Variants in TBC1D5 observed in about 807,000 individuals in gnomAD.
TBC1D5 encodes TBC1 domain family member 5.
In TBC1D5, 75 loss-of-function variants were observed where a neutral mutation model predicts 100.3. The ratio of observed to expected loss-of-function variants is 0.75; its 90% CI spans 0.62 to 0.91. The LOEUF (loss-of-function observed/expected upper bound fraction) is 0.91. TBC1D5 is among the 40% of genes least tolerant of loss of function. TBC1D5 has a pLI of 0.00. For missense variants in TBC1D5, 910 were observed against 942.4 expected (o/e 0.97, Z 0.45); for synonymous variants, 323 against 325.6 (o/e 0.99, Z 0.09).
intron 19 of TBC1D5, among the ~76,000 whole-genome samples, chr3:17,178,915 G>A (rs191414370): frequency 1.3e-5 from 2 of 152,232 alleles, no homozygotes; most frequent in Admixed American, 6.5e-5. Context: ...AAAGTGCCAG[G>A]ATTATAGGCA....
chr3:17,163,578 A>C (rs1452747746), intron 21 of TBC1D5, among the ~76,000 whole-genome samples: 1 of 152,208 alleles, frequency 6.6e-6, no homozygotes, highest in African/African-American at 2.4e-5. Context: ...AGCCATGATC[A>C]TCACAACACA....
At chr3:17,561,878 G>A (rs1207728988) in intron 2 of TBC1D5, 1 of 152,020 alleles carries the variant, frequency 6.6e-6, no homozygotes, top group Non-Finnish European at 1.5e-5. Context: ...AAAATGCAAG[G>A]GCAGTTAAAG....
rs2096137295 is a variant in TBC1D5 at position 17,526,489 on chromosome 3, C to A, written c.-35-17884G>T. The stretch of plus-strand genomic sequence containing the variant: ...CCCAACATGAGCCACAACGCTTGGC[C>A]CAGAATCTACTACTATTGACACTGG... On this transcript the variant is annotated intron_variant, in intron 2 of 21. Coordinates refer to ENST00000253692, the Ensembl canonical transcript of TBC1D5. Among the ~76,000 whole-genome samples, 4 of 152,084 alleles carry A rather than the reference C, an allele frequency of 2.6e-5. No homozygotes were observed. The South Asian group carries it at 8.3e-4, about 32-fold the overall frequency.
At chr3:17,345,003 G>T (rs532576987) in intron 13 of TBC1D5, among the ~76,000 whole-genome samples, 5 of 152,246 alleles carry the variant, frequency 3.3e-5, no homozygotes, top group East Asian at 3.9e-4. Flanking sequence ...CAGGACATAG[G>T]CATGGGCAAG....
chr3:17,160,717 C>A, exon 22 of TBC1D5: 1 of 500,834 alleles, frequency 2.0e-6, no homozygotes, highest in Non-Finnish European at 3.5e-6. Context: ...TAACTCAGAG[C>A]AAGAGTCGGG....
At position 17,648,572 on chromosome 3, in the gene TBC1D5, C is replaced by T. The variant is rs113030732; in HGVS notation, c.-100-24659G>A. 5.3e-3 allele frequency among the ~76,000 whole-genome samples: 814 copies of T among 152,262 alleles called. 12 individuals are homozygous for T. Among genetic ancestry groups the T allele is most frequent in the African/African-American group, 0.019 (782 of 41,548 alleles). ...CAGAATGGAAGAAAATTTTTGCAAA[C>T]TATGCATCTGACAAAGGTCTACCAT... On this transcript the variant is annotated intron_variant, in intron 1 of 21. Coordinates refer to ENST00000253692, the Ensembl canonical transcript of TBC1D5.
intron 3 of TBC1D5, among the ~76,000 whole-genome samples, chr3:17,471,029 T>C (rs2095366811): frequency 1.3e-5 from 2 of 152,128 alleles, no homozygotes; most frequent in South Asian, 4.1e-4. Context: ...CACTAAAAAA[T>C]AGATGTCATT....
intron 16 of TBC1D5, among the ~76,000 whole-genome samples, chr3:17,253,564 TA>T (rs970606406): frequency 6.6e-6 from 1 of 152,210 alleles, no homozygotes; most frequent in African/African-American, 2.4e-5. Context: ...TACACCTGTA[TA>T]ACCACCATCC....
rs2095346829 is a variant in TBC1D5, at chr3:17,469,390, T to A, written c.97+39084A>T. 2.0e-5 allele frequency among the ~76,000 whole-genome samples: 3 copies of A among 152,150 alleles called. No homozygotes were observed. In the South Asian group the frequency reaches 6.2e-4, roughly 32 times the overall value. On this transcript the variant is annotated intron_variant, in intron 3 of 21. Coordinates refer to ENST00000253692, the Ensembl canonical transcript of TBC1D5. The stretch of plus-strand genomic sequence containing the variant: ...TGTAAAAACAGAGATTTCCCAAAGA[T>A]TCTTACTCTGTTTCTAGCAACGAAT...
intron 1 of TBC1D5, among the ~76,000 whole-genome samples, chr3:17,657,084 A>T (rs1215776044): frequency 6.6e-6 from 1 of 152,018 alleles, no homozygotes; most frequent in Non-Finnish European, 1.5e-5. Context: ...CCGAATTTGA[A>T]CCTTGTCTGC....
intron 3 of TBC1D5, among the ~76,000 whole-genome samples, chr3:17,458,679 T>C (rs976914255): frequency 6.6e-6 from 1 of 152,178 alleles, no homozygotes; most frequent in Non-Finnish European, 1.5e-5. Flanking sequence ...GGGTCTGAAA[T>C]TTCAGCACTC....
chr3:17,283,289 C>T (rs549737363), intron 15 of TBC1D5, among the ~76,000 whole-genome samples: 36 of 152,246 alleles, frequency 2.4e-4, no homozygotes, highest in African/African-American at 5.3e-4. Context: ...GTCCAATAAA[C>T]GCAGCAGGGT....
At chr3:17,187,469 C>T (rs1360722032) in intron 18 of TBC1D5, among the ~76,000 whole-genome samples, 3 of 152,062 alleles carry the variant, frequency 2.0e-5, no homozygotes, top group Non-Finnish European at 4.4e-5. Context: ...ACTTTTCAGC[C>T]CAAGCCAGCT....
At chr3:17,351,046 A>T (rs2090512703) in intron 13 of TBC1D5, among the ~76,000 whole-genome samples, 1 of 152,316 alleles carries the variant, frequency 6.6e-6, no homozygotes. Context: ...TGCTATAATT[A>T]GGAAGGAATA....
chr3:17,734,649 A>G (rs2076819775), intron 1 of TBC1D5, among the ~76,000 whole-genome samples: 2 of 152,248 alleles, frequency 1.3e-5, no homozygotes, highest in African/African-American at 4.8e-5. Context: ...AGGGAAGTAT[A>G]AAGTCAAACC....
At chr3:17,501,123 C>T (rs1025236762) in intron 3 of TBC1D5, among the ~76,000 whole-genome samples, 3 of 149,598 alleles carry the variant, frequency 2.0e-5, no homozygotes, top group South Asian at 2.1e-4. Flanking sequence ...ATAAAGCCAC[C>T]ATTTTCCTTG....
chr3:17,253,894 A>G (rs2077392278), intron 16 of TBC1D5, among the ~76,000 whole-genome samples: 1 of 152,200 alleles, frequency 6.6e-6, no homozygotes, highest in East Asian at 1.9e-4. Flanking sequence ...ATGCAGAGAG[A>G]GGAATGTGAA....
chr3:17,577,887 T>C (rs2096667440), intron 2 of TBC1D5, among the ~76,000 whole-genome samples: 1 of 152,002 alleles, frequency 6.6e-6, no homozygotes, highest in Non-Finnish European at 1.5e-5. Context: ...AGCCATATGT[T>C]TTTTCCCATT....
intron 13 of TBC1D5, among the ~76,000 whole-genome samples, chr3:17,308,826 A>G (rs770247333): frequency 3.9e-5 from 6 of 152,132 alleles, no homozygotes; most frequent in Non-Finnish European, 8.8e-5. Flanking sequence ...CACAGAGTAA[A>G]CATAAGCAGC....
Sources: allele counts gnomAD v4.1 joint callset (sites outside exome capture counted in the v4.1 genomes callset), GRCh38; gene constraint gnomAD v4.1.1; transcripts MANE v1.5; gene names NCBI Gene and HGNC (gene_info 2026-07-23, HGNC 2026-07-21).